The following SYN3 variants were observed in gnomAD, a reference collection of about 807,000 sequenced individuals.
The protein encoded by SYN3 is synapsin III, also known as synapsin-3.
A neutral mutation model predicts 65.8 loss-of-function variants in SYN3; 35 were observed. The ratio of observed to expected loss-of-function variants is 0.53; its 90% CI spans 0.41 to 0.70. The LOEUF (loss-of-function observed/expected upper bound fraction) is 0.70. Ranked by LOEUF, SYN3 falls within the 30% of genes least tolerant of loss-of-function variation. The pLI, the probability that SYN3 is intolerant of heterozygous loss-of-function variation, is 0.00. For synonymous variants in SYN3, 270 were observed against 292.9 expected (o/e 0.92, Z 0.80); for missense variants, 680 against 749.0 (o/e 0.91, Z 1.08).
At chr22:33,035,668 T>C (rs954926349) in intron 1 of SYN3, among the ~76,000 whole-genome samples, 2 of 152,218 alleles carry the variant, frequency 1.3e-5, no homozygotes, top group African/African-American at 4.8e-5. Flanking sequence ...AGACTCATAC[T>C]CCTGGAGTCA....
intron 7 of SYN3, among the ~76,000 whole-genome samples, chr22:32,564,554 A>T (rs971154109): frequency 1.3e-5 from 2 of 152,142 alleles, no homozygotes; most frequent in African/African-American, 2.4e-5. Flanking sequence ...ATGCTCCCGG[A>T]CTGTACACAA....
intron 6 of SYN3, among the ~76,000 whole-genome samples, chr22:32,708,176 G>A (rs2060905055): frequency 6.6e-6 from 1 of 152,260 alleles, no homozygotes; most frequent in Non-Finnish European, 1.5e-5. Flanking sequence ...ATCTGCAGCA[G>A]GCAGTGGTGT....
intron 6 of SYN3, among the ~76,000 whole-genome samples, chr22:32,678,557 C>A (rs1168820676): frequency 2.0e-5 from 3 of 150,572 alleles, no homozygotes; most frequent in Non-Finnish European, 4.4e-5. Context: ...CTCCTTCATC[C>A]TCCTCCTCCT....
intron 6 of SYN3, among the ~76,000 whole-genome samples, chr22:32,786,578 G>T (rs2046199451): frequency 6.6e-6 from 1 of 151,888 alleles, no homozygotes; most frequent in African/African-American, 2.4e-5. Context: ...TAGCCAGGAT[G>T]GTCTCGATCT....
intron 6 of SYN3, among the ~76,000 whole-genome samples, chr22:32,637,373 A>T (rs549117682): frequency 4.6e-5 from 7 of 152,290 alleles, no homozygotes; most frequent in Non-Finnish European, 7.4e-5. Context: ...ATTATATCTA[A>T]TGTGTTTAAA....
intron 3 of SYN3, among the ~76,000 whole-genome samples, chr22:32,937,988 AT>A (rs2050822633): frequency 6.6e-6 from 1 of 152,222 alleles, no homozygotes; most frequent in Admixed American, 6.5e-5. Flanking sequence ...GTTTTTCTAC[AT>A]TTAATGAAAA....
intron 1 of SYN3, among the ~76,000 whole-genome samples, chr22:33,030,158 G>A (rs1244250985): frequency 6.6e-6 from 1 of 152,304 alleles, no homozygotes; most frequent in Non-Finnish European, 1.5e-5. Context: ...GGCAGCAGCA[G>A]GCAGGGCCAG....
chr22:33,009,179 G>T (rs1455124223), intron 1 of SYN3, among the ~76,000 whole-genome samples: 1 of 152,038 alleles, frequency 6.6e-6, no homozygotes, highest in Non-Finnish European at 1.5e-5. Flanking sequence ...TGGGGTAAGT[G>T]TATGTCTAAA....
At chr22:32,960,921 A>G (rs1014583518) in intron 3 of SYN3, among the ~76,000 whole-genome samples, 3 of 152,212 alleles carry the variant, frequency 2.0e-5, no homozygotes, top group African/African-American at 7.2e-5. Flanking sequence ...GGCTGCTAAC[A>G]GGAACTGCAG....
intron 7 of SYN3, among the ~76,000 whole-genome samples, chr22:32,588,780 G>A (rs1300496452): frequency 3.3e-5 from 5 of 152,174 alleles, no homozygotes; most frequent in Admixed American, 6.5e-5. Flanking sequence ...ACCAGCGGTT[G>A]GCCTTGAGCT....
At chr22:32,779,121 G>A (rs1398940917) in intron 6 of SYN3, among the ~76,000 whole-genome samples, 2 of 152,172 alleles carry the variant, frequency 1.3e-5, no homozygotes, top group African/African-American at 4.8e-5. Flanking sequence ...AATGTGATGT[G>A]TGGCCACAGA....
intron 1 of SYN3, among the ~76,000 whole-genome samples, chr22:33,008,216 C>T (rs151337972): frequency 1.3e-5 from 2 of 152,288 alleles, no homozygotes; most frequent in East Asian, 3.9e-4. Context: ...GGATCACAGG[C>T]GTGAGCCACT....
At chr22:32,975,755 A>C (rs1383517883) in intron 3 of SYN3, among the ~76,000 whole-genome samples, 3 of 152,258 alleles carry the variant, frequency 2.0e-5, no homozygotes, top group Non-Finnish European at 4.4e-5. Context: ...AGTCACTAGT[A>C]AGAAGGAAAA....
At chr22:32,803,052 C>A (rs2046633029) in intron 6 of SYN3, among the ~76,000 whole-genome samples, 1 of 152,022 alleles carries the variant, frequency 6.6e-6, no homozygotes, top group Admixed American at 6.6e-5. Context: ...GTTTGGGACA[C>A]TTGTGTTTGG....
In SYN3 at chr22:32,964,725, A is replaced by G. The variant is rs184653108; in HGVS notation, c.369+15920T>C. On this transcript the variant is annotated intron_variant, in intron 3 of 13. Transcript: ENST00000358763. Reference sequence around the variant, plus strand: ...TTGAAAAGTTAAACGCATGAGGGCAATGAAAAGCACATCACTGAACTAATA... The same window carrying G: ...TTGAAAAGTTAAACGCATGAGGGCAGTGAAAAGCACATCACTGAACTAATA... 3.3e-5 allele frequency among the ~76,000 whole-genome samples: 5 copies of G among 152,310 alleles called. No individual in the cohort carries two copies. The East Asian group carries it at 7.7e-4, about 23-fold the overall frequency.
In SYN3 at chr22:32,756,319, G is replaced by A. The variant is rs556697222; in HGVS notation, c.711+108596C>T. On this transcript the variant is annotated intron_variant, in intron 6 of 13. Transcript: ENST00000358763. ...CATAGCATTAGGAGATATACCTAAT[G>A]TTAAATGACGAGTTAATGGGTGCAG... 1.4e-4 allele frequency among the ~76,000 whole-genome samples: 21 copies of A among 152,158 alleles called. No homozygotes were observed. The South Asian group carries it at 4.4e-3, about 32-fold the overall frequency.
At chr22:32,692,155 C>CAAAAAAAAAAAAAAAAAA (rs1188224009) in intron 6 of SYN3, among the ~76,000 whole-genome samples, 1 of 34,496 alleles carries the variant, frequency 2.9e-5, no homozygotes, top group African/African-American at 1.9e-4. Context: ...GACAAAAAGA[C>CAAAAAAAAAAAAAAAAAA]AAAAAAAAAA....
chr22:32,768,723 C>T (rs4821101), intron 6 of SYN3, among the ~76,000 whole-genome samples: 119,250 of 152,126 alleles, frequency 0.78, 47,587 homozygotes, highest in African/African-American at 0.94. Flanking sequence ...CTGCAGGACT[C>T]ATCCCATAGT....
At chr22:32,531,863 C>T (rs4550760) in intron 10 of SYN3, among the ~76,000 whole-genome samples, 99,079 of 146,940 alleles carry the variant, frequency 0.67, 33,745 homozygotes, top group East Asian at 0.79. Context: ...TCTTGGGAGA[C>T]GTTGTTTTCT....
Sources: allele counts gnomAD v4.1 joint callset (sites outside exome capture counted in the v4.1 genomes callset), GRCh38; gene constraint gnomAD v4.1.1; transcripts MANE v1.5; gene names NCBI Gene and HGNC (gene_info 2026-07-23, HGNC 2026-07-21).